The following GABBR2 variants were observed in gnomAD, a reference collection of about 807,000 sequenced individuals.
The protein encoded by GABBR2 is gamma-aminobutyric acid type B receptor subunit 2.
A neutral mutation model predicts 105.6 loss-of-function variants in GABBR2; 23 were observed. The ratio of observed to expected loss-of-function variants is 0.22; its 90% CI spans 0.16 to 0.31. The LOEUF (loss-of-function observed/expected upper bound fraction) is 0.31, where lower values mean the gene tolerates loss of function less well. Ranked by LOEUF, GABBR2 falls within the 10% of genes least tolerant of loss-of-function variation. The pLI is 1.00. For synonymous variants in GABBR2, 478 were observed against 499.7 expected (o/e 0.96, Z 0.58); for missense variants, 734 against 1,245.5 (o/e 0.59, Z 6.18).
intron 13 of GABBR2, among the ~76,000 whole-genome samples, chr9:98,349,914 T>C (rs557607731): frequency 2.0e-5 from 3 of 152,314 alleles, no homozygotes; most frequent in Non-Finnish European, 2.9e-5. Flanking sequence ...CTTGTATGGA[T>C]TCAATTCTGT....
At chr9:98,386,326 C>T (rs1176284608) in intron 10 of GABBR2, among the ~76,000 whole-genome samples, 4 of 152,030 alleles carry the variant, frequency 2.6e-5, no homozygotes, top group African/African-American at 7.3e-5. Context: ...CCACACTCCC[C>T]AGCCTTGAGT....
intron 8 of GABBR2, among the ~76,000 whole-genome samples, chr9:98,398,932 C>T (rs1017047036): frequency 2.0e-5 from 3 of 152,162 alleles, no homozygotes; most frequent in African/African-American, 7.2e-5. Flanking sequence ...TAGATGTGTC[C>T]ATCGATCTAG....
intron 1 of GABBR2, among the ~76,000 whole-genome samples, chr9:98,682,368 T>TC (rs1265505084): frequency 0.077 from 1,145 of 14,862 alleles, 32 homozygotes; most frequent in African/African-American, 0.14. Flanking sequence ...TTTACCATCT[T>TC]TTTTTTTTTT....
chr9:98,367,256 G>T, intron 12 of GABBR2, among the ~76,000 whole-genome samples: 1 of 137,862 alleles, frequency 7.3e-6, no homozygotes. Flanking sequence ...AAAAGCAAAT[G>T]ATTGCATTTG....
chr9:98,513,081 G>T (rs1418280022), intron 3 of GABBR2, among the ~76,000 whole-genome samples: 1 of 152,118 alleles, frequency 6.6e-6, no homozygotes, highest in East Asian at 1.9e-4. Flanking sequence ...GAACAGAACA[G>T]AGCCCTCAGA....
intron 1 of GABBR2, among the ~76,000 whole-genome samples, chr9:98,658,389 TTGAA>T (rs3032163): frequency 0.83 from 123,546 of 149,588 alleles, 51,125 homozygotes; most frequent in Middle Eastern, 0.89. Context: ...AGCCACTGTG[TTGAA>T]TGAATGAATG....
Position 98,505,457 on chromosome 9 carries a change from T to TGTGTGC in GABBR2, c.631-8944_631-8943insGCACAC, listed in dbSNP as rs57918974. Among the ~76,000 whole-genome samples, 499 of 149,404 alleles carry TGTGTGC rather than the reference T, an allele frequency of 3.3e-3. 6 individuals carry two copies. The highest frequency in any genetic ancestry group is 0.012 in the African/African-American group (479 of 40,734). On this transcript the variant is annotated intron_variant, in intron 3 of 18. Coordinates refer to ENST00000259455, the MANE Select transcript of GABBR2 (RefSeq NM_005458.8). ...GTGTGTGTGTGTGTGTGTGTGTGTG[T>TGTGTGC]GCATGTGCGTGTGTGACCCATGCAT... is the stretch of plus-strand genomic sequence containing the variant.
chr9:98,534,243 G>A (rs888243424), intron 3 of GABBR2, among the ~76,000 whole-genome samples: 3 of 152,254 alleles, frequency 2.0e-5, no homozygotes, highest in African/African-American at 7.2e-5. Flanking sequence ...AGTGGGGCCT[G>A]CCACTTGAGA....
intron 1 of GABBR2, among the ~76,000 whole-genome samples, chr9:98,651,709 G>A (rs191648610): frequency 6.6e-6 from 1 of 152,290 alleles, no homozygotes; most frequent in Admixed American, 6.5e-5. Context: ...TGGAATTATA[G>A]GTGTGAGCCA....
chr9:98,416,368 G>C (rs1470261639), intron 7 of GABBR2, among the ~76,000 whole-genome samples: 2 of 152,232 alleles, frequency 1.3e-5, no homozygotes, highest in African/African-American at 2.4e-5. Flanking sequence ...CTGGAGAGAA[G>C]GGGCTTGTGC....
At chr9:98,414,227 G>T (rs1198074057) in intron 7 of GABBR2, among the ~76,000 whole-genome samples, 1 of 152,230 alleles carries the variant, frequency 6.6e-6, no homozygotes, top group Non-Finnish European at 1.5e-5. Context: ...TAGACTGGAG[G>T]CCAAGGAGGG....
At chr9:98,392,851 A>G (rs1306726744) in intron 9 of GABBR2, among the ~76,000 whole-genome samples, 2 of 151,990 alleles carry the variant, frequency 1.3e-5, no homozygotes, top group Admixed American at 1.3e-4. Flanking sequence ...CTATACATCT[A>G]TCTATCCACT....
At chr9:98,582,499 T>A (rs143797658) in intron 1 of GABBR2, among the ~76,000 whole-genome samples, 203 of 152,334 alleles carry the variant, frequency 1.3e-3, no homozygotes, top group Non-Finnish European at 2.0e-3. Flanking sequence ...GGAGCCACAC[T>A]GTGTCCAGAC....
intron 8 of GABBR2, among the ~76,000 whole-genome samples, chr9:98,399,973 T>C (rs973997488): frequency 1.3e-5 from 2 of 150,948 alleles, no homozygotes; most frequent in Non-Finnish European, 2.9e-5. Context: ...GGCCACGAGT[T>C]TGAGACCTGC....
chr9:98,363,832 G>T (rs914187819), intron 12 of GABBR2, among the ~76,000 whole-genome samples: 4 of 152,096 alleles, frequency 2.6e-5, no homozygotes, highest in African/African-American at 9.7e-5. Flanking sequence ...GATCGGCTGG[G>T]GGATAAATAT....
intron 1 of GABBR2, among the ~76,000 whole-genome samples, chr9:98,610,413 A>T (rs1829489251): frequency 6.6e-6 from 1 of 152,232 alleles, no homozygotes; most frequent in Non-Finnish European, 1.5e-5. Flanking sequence ...GCAGCCTGCA[A>T]AAATATGCAT....
intron 1 of GABBR2, among the ~76,000 whole-genome samples, chr9:98,701,280 A>C (rs1282108560): frequency 1.3e-5 from 2 of 152,198 alleles, no homozygotes; most frequent in Non-Finnish European, 2.9e-5. Context: ...AGTTCCACCC[A>C]CCACCCCAAC....
intron 13 of GABBR2, among the ~76,000 whole-genome samples, chr9:98,328,591 G>A (rs1048023095): frequency 3.9e-5 from 6 of 152,208 alleles, no homozygotes; most frequent in African/African-American, 1.4e-4. Context: ...AAGTGCAAAA[G>A]CTGCCAGGAG....
chr9:98,352,687 G>A (rs924752092), intron 13 of GABBR2, among the ~76,000 whole-genome samples: 6 of 152,044 alleles, frequency 3.9e-5, no homozygotes, highest in African/African-American at 7.2e-5. Context: ...AGGGGTTATC[G>A]GCATCCCCAG....
Sources: gnomAD v4.1 joint callset for allele counts (sites outside exome capture counted in the v4.1 genomes callset) on GRCh38, gnomAD v4.1.1 for gene constraint, MANE v1.5 for transcripts, NCBI Gene and HGNC (gene_info 2026-07-23, HGNC 2026-07-21) for gene names.